CPVL: variants seen among roughly 807,000 people sequenced by gnomAD.
CPVL encodes the protein carboxypeptidase vitellogenic like, also known as probable serine carboxypeptidase CPVL.
A neutral mutation model predicts 63.7 loss-of-function variants in CPVL; 51 were observed. The ratio of observed to expected loss-of-function variants is 0.80; its 90% CI spans 0.64 to 1.01. CPVL has a LOEUF of 1.01. Ranked by LOEUF, CPVL falls within the 50% of genes least tolerant of loss-of-function variation. CPVL has a pLI of 0.00. For missense variants in CPVL, 530 were observed against 573.1 expected, an observed-to-expected ratio of 0.92 and a Z score of 0.77; for synonymous variants, 195 against 206.0, an observed-to-expected ratio of 0.95 and a Z score of 0.46.
intron 11 of CPVL, among the ~76,000 whole-genome samples, chr7:29,036,324 G>T (rs1788522551): frequency 6.6e-6 from 1 of 152,176 alleles, no homozygotes. Flanking sequence ...CCAGCACAGT[G>T]CCTGACACAG....
chr7:29,155,501 A>G (rs1794236461), intron 5 of CPVL, among the ~76,000 whole-genome samples: 1 of 152,240 alleles, frequency 6.6e-6, no homozygotes, highest in Admixed American at 6.5e-5. Context: ...ATGTAACAGA[A>G]GAATAGAGAT....
intron 11 of CPVL, among the ~76,000 whole-genome samples, chr7:29,062,925 CAG>C (rs1368271929): frequency 6.6e-6 from 1 of 152,166 alleles, no homozygotes; most frequent in Non-Finnish European, 1.5e-5. Flanking sequence ...GTGGATCACT[CAG>C]TGGTGGTCTC....
intron 2 of CPVL, among the ~76,000 whole-genome samples, chr7:29,115,626 C>T (rs559569814): frequency 1.8e-4 from 14 of 79,902 alleles, no homozygotes; most frequent in African/African-American, 6.3e-4. Flanking sequence ...CAAACAGATA[C>T]CACCCCCTGC....
At chr7:29,028,139 C>A (rs1787673846) in intron 12 of CPVL, among the ~76,000 whole-genome samples, 1 of 152,096 alleles carries the variant, frequency 6.6e-6, no homozygotes, top group Non-Finnish European at 1.5e-5. Flanking sequence ...GAAATAAATC[C>A]ACATATTTAT....
chr7:29,095,001 T>G, intron 5 of CPVL, 83 bp downstream of exon 5: 1 of 970,816 alleles, frequency 1.0e-6, no homozygotes, highest in South Asian at 1.5e-5. Context: ...GAAATCTATT[T>G]TTTAAATGTA....
chr7:29,003,150 ATG>A (rs1282822852), intron 12 of CPVL, among the ~76,000 whole-genome samples: 23 of 119,570 alleles, frequency 1.9e-4, no homozygotes, highest in Middle Eastern at 8.8e-3. Context: ...TAGTATGTGT[ATG>A]TGCACACACA....
chr7:29,061,220 C>A (rs1015524991), intron 11 of CPVL, among the ~76,000 whole-genome samples: 2 of 151,804 alleles, frequency 1.3e-5, no homozygotes, highest in South Asian at 4.2e-4. Context: ...TCAGCCTGGG[C>A]AACATGGTGA....
Position 28,995,891 on chromosome 7 carries a change from GA to G in CPVL, c.1321-10del. ...CCACCTCGAATAATTACCTTAAAAA[GA>G]AAAAGTAAAAGAACGGAAATTTAGA... On this transcript the variant is annotated splice_polypyrimidine_tract_variant and intron_variant, in intron 12 of 12. Transcript: ENST00000265394. 1.3e-6 allele frequency: 2 copies of G among 1,503,452 alleles called. No homozygotes were observed. Among genetic ancestry groups the G allele is most frequent in the Non-Finnish European group, 1.8e-6 (2 of 1,104,166 alleles). The allele number at this position is 1,503,452 out of a possible 1,614,324, so 93.1% of individuals were successfully genotyped here.
chr7:29,041,924 C>T (rs1203232165), intron 11 of CPVL, among the ~76,000 whole-genome samples: 1 of 151,992 alleles, frequency 6.6e-6, no homozygotes, highest in Non-Finnish European at 1.5e-5. Flanking sequence ...TTGATTTCAC[C>T]TGTTTCTTTT....
chr7:29,088,522 A>C (rs1785432511), intron 6 of CPVL, among the ~76,000 whole-genome samples: 2 of 152,172 alleles, frequency 1.3e-5, no homozygotes, highest in South Asian at 4.1e-4. Flanking sequence ...AAGAGAGTGA[A>C]GAATGAAAAA....
chr7:29,020,697 A>G (rs984673547), intron 12 of CPVL, among the ~76,000 whole-genome samples: 1 of 152,074 alleles, frequency 6.6e-6, no homozygotes, highest in Non-Finnish European at 1.5e-5. Context: ...ACACACAATG[A>G]AAAGAATAGC....
downstream of CPVL, among the ~76,000 whole-genome samples, chr7:28,994,875 G>C (rs951491677): frequency 4.6e-5 from 7 of 152,212 alleles, no homozygotes; most frequent in Admixed American, 2.0e-4. Context: ...ACGTCTTGTA[G>C]AATTTCAGAG....
intron 2 of CPVL, among the ~76,000 whole-genome samples, chr7:29,115,644 A>G (rs1407720354): frequency 6.8e-6 from 1 of 146,354 alleles, no homozygotes; most frequent in Non-Finnish European, 1.5e-5. Flanking sequence ...TGCCTCCCAA[A>G]AAAAAAAAGG....
intron 11 of CPVL, among the ~76,000 whole-genome samples, chr7:29,048,703 C>G (rs1328908954): frequency 6.6e-6 from 1 of 152,040 alleles, no homozygotes; most frequent in Non-Finnish European, 1.5e-5. Flanking sequence ...AACATTTCGT[C>G]CAACAACCAA....
At position 29,075,519 on chromosome 7, in the gene CPVL, T is replaced by TAAAAAAAAAAAAAAAAAAAAAAA. The variant is rs10658501; in HGVS notation, c.610-3097_610-3096insTTTTTTTTTTTTTTTTTTTTTTT. On this transcript the variant is annotated intron_variant, in intron 7 of 12. Transcript: ENST00000265394. ...TCTTTTCTATTGAGAAGATACTTCT[T>TAAAAAAAAAAAAAAAAAAAAAAA]AAAAAAAAAAAAAAAAAAGCCATCA... Among the ~76,000 whole-genome samples the TAAAAAAAAAAAAAAAAAAAAAAA allele has an allele frequency of 9.3e-5, 12 of 128,978 alleles. 6 individuals are homozygous for TAAAAAAAAAAAAAAAAAAAAAAA. Among genetic ancestry groups the TAAAAAAAAAAAAAAAAAAAAAAA allele is most frequent in the African/African-American group, 5.7e-5 (2 of 35,138 alleles). 84.6% of individuals were successfully genotyped at this position (128,978 alleles called of 152,430 possible). A position where few individuals can be genotyped will look rare whatever the true frequency, so the allele number is the denominator to read the frequency against.
At chr7:29,044,534 C>G (rs1475676252) in intron 11 of CPVL, among the ~76,000 whole-genome samples, 1 of 152,162 alleles carries the variant, frequency 6.6e-6, no homozygotes, top group Non-Finnish European at 1.5e-5. Flanking sequence ...TGGGCACACA[C>G]TGCTTTGGAT....
intron 12 of CPVL, among the ~76,000 whole-genome samples, chr7:29,004,134 TCTA>T (rs1241429590): frequency 6.6e-6 from 1 of 152,210 alleles, no homozygotes; most frequent in Admixed American, 6.5e-5. Context: ...GATAAAATAA[TCTA>T]CTATTATCAA....
intron 11 of CPVL, among the ~76,000 whole-genome samples, chr7:29,045,819 T>C (rs1253613030): frequency 6.6e-6 from 1 of 152,166 alleles, no homozygotes; most frequent in Admixed American, 6.5e-5. Context: ...ATGAGTTAGA[T>C]TTGCTGGAAT....
chr7:29,123,609 AAAAAAAAAAAAAAAAAAAAAT>A (rs1381834989), intron 1 of CPVL, among the ~76,000 whole-genome samples: 16 of 91,008 alleles, frequency 1.8e-4, no homozygotes, highest in South Asian at 7.1e-4. Context: ...AAAAAAAAAA[AAAAAAAAAAAAAAAAAAAAAT>A]ATATATATAT....
Sources: allele counts gnomAD v4.1 joint callset (sites outside exome capture counted in the v4.1 genomes callset), GRCh38; gene constraint gnomAD v4.1.1; transcripts MANE v1.5; gene names NCBI Gene and HGNC (gene_info 2026-07-23, HGNC 2026-07-21).